The following SPOCK3 variants were observed in gnomAD, a reference collection of about 807,000 sequenced individuals.
SPOCK3 encodes SPARC (osteonectin), cwcv and kazal like domains proteoglycan 3.
SPOCK3 carries 30 observed loss-of-function variants against 56.6 expected under a neutral mutation model. The ratio of observed to expected loss-of-function variants is 0.53; its 90% confidence interval spans 0.40 to 0.72. The LOEUF (loss-of-function observed/expected upper bound fraction) is 0.72. Ranked by LOEUF, SPOCK3 falls within the 30% of genes least tolerant of loss-of-function variation. The pLI, the probability that SPOCK3 is intolerant of heterozygous loss-of-function variation, is 0.00. For missense variants in SPOCK3, 527 were observed against 530.0 expected, an observed-to-expected ratio of 0.99 and a Z score of 0.06; for synonymous variants, 196 against 183.3, an observed-to-expected ratio of 1.07 and a Z score of -0.56.
chr4:166,850,135 T>A (rs1404661516), intron 6 of SPOCK3, among the ~76,000 whole-genome samples: 1 of 152,194 alleles, frequency 6.6e-6, no homozygotes, highest in Non-Finnish European at 1.5e-5. Context: ...GTAATTCTAT[T>A]GTTAATTATT....
chr4:166,743,289 G>A (rs916259567), intron 8 of SPOCK3, among the ~76,000 whole-genome samples: 1 of 151,760 alleles, frequency 6.6e-6, no homozygotes, highest in Non-Finnish European at 1.5e-5. Context: ...AAAAGGCAAA[G>A]TATATTAATT....
At chr4:167,186,792 C>A (rs1561302925) in intron 2 of SPOCK3, among the ~76,000 whole-genome samples, 1 of 151,730 alleles carries the variant, frequency 6.6e-6, no homozygotes, top group Admixed American at 6.6e-5. Flanking sequence ...GACTGGCCAA[C>A]ATGGTGAAAC....
chr4:167,176,357 C>G (rs1204434982), intron 2 of SPOCK3, among the ~76,000 whole-genome samples: 1 of 152,116 alleles, frequency 6.6e-6, no homozygotes, highest in Non-Finnish European at 1.5e-5. Flanking sequence ...GTGATTAGCA[C>G]ACGGAAGCAA....
At chr4:166,988,383 A>C (rs1360474699) in intron 4 of SPOCK3, among the ~76,000 whole-genome samples, 2 of 152,018 alleles carry the variant, frequency 1.3e-5, no homozygotes, top group East Asian at 1.9e-4. Flanking sequence ...TGAGAACAGA[A>C]GGGAAGATAG....
chr4:167,128,300 T>C lies in SPOCK3; in HGVS notation c.190-65763A>G, dbSNP rs150975328. On this transcript the variant is annotated intron_variant, in intron 2 of 10. Coordinates refer to ENST00000357545, the MANE Select transcript of SPOCK3 (RefSeq NM_001040159.2). ...AAACTCTTCCCAAAGTTAGTTCTTT[T>C]ATTGCCAAACAAAGGCTTTTTACCC... 1.4e-4 allele frequency among the ~76,000 whole-genome samples: 22 copies of C among 152,324 alleles called. No individual in the cohort carries two copies. In the East Asian group the frequency reaches 4.2e-3, roughly 29 times the overall value.
intron 9 of SPOCK3, among the ~76,000 whole-genome samples, chr4:166,738,527 G>A (rs1035922168): frequency 1.3e-5 from 2 of 149,592 alleles, no homozygotes; most frequent in Non-Finnish European, 3.0e-5. Flanking sequence ...GTGCAGGTTA[G>A]TTACATATGT....
chr4:167,005,760 G>T (rs1433432427), intron 3 of SPOCK3, among the ~76,000 whole-genome samples: 5 of 151,990 alleles, frequency 3.3e-5, no homozygotes, highest in African/African-American at 4.8e-5. Context: ...CTTTGTTTTT[G>T]TTGTTGTTGT....
At chr4:167,215,891 T>C (rs1735304324) in intron 2 of SPOCK3, among the ~76,000 whole-genome samples, 1 of 152,106 alleles carries the variant, frequency 6.6e-6, no homozygotes, top group Non-Finnish European at 1.5e-5. Flanking sequence ...AGAAAACATG[T>C]TTCAGGAAGA....
chr4:166,735,608 G>A (rs1734139912), intron 10 of SPOCK3, among the ~76,000 whole-genome samples: 1 of 151,942 alleles, frequency 6.6e-6, no homozygotes, highest in African/African-American at 2.4e-5. Flanking sequence ...AAAAAAAAAT[G>A]TTTTCCAGAT....
At chr4:166,846,526 C>T (rs968067287) in intron 6 of SPOCK3, among the ~76,000 whole-genome samples, 1 of 151,986 alleles carries the variant, frequency 6.6e-6, no homozygotes, top group African/African-American at 2.4e-5. Context: ...AAAAAGATGT[C>T]TAATGTTTAA....
chr4:166,947,736 T>C (rs765674557), intron 4 of SPOCK3, among the ~76,000 whole-genome samples: 3 of 152,280 alleles, frequency 2.0e-5, no homozygotes, highest in Non-Finnish European at 4.4e-5. Flanking sequence ...TTATTTTAAA[T>C]TGACACGTCA....
At chr4:167,228,047 G>T (rs1309739216) in intron 2 of SPOCK3, among the ~76,000 whole-genome samples, 1 of 152,056 alleles carries the variant, frequency 6.6e-6, no homozygotes, top group African/African-American at 2.4e-5. Flanking sequence ...GAAAAGAAAA[G>T]AAATAAATAA....
At chr4:166,961,452 T>TTTC (rs1470869997) in intron 4 of SPOCK3, among the ~76,000 whole-genome samples, 7 of 152,088 alleles carry the variant, frequency 4.6e-5, no homozygotes. Context: ...ATGTGTTTTT[T>TTTC]GTTTGACCTG....
At chr4:166,909,065 A>G (rs1216995986) in intron 5 of SPOCK3, among the ~76,000 whole-genome samples, 1 of 152,146 alleles carries the variant, frequency 6.6e-6, no homozygotes, top group Non-Finnish European at 1.5e-5. Flanking sequence ...TTTTCTTAAC[A>G]GGAAAAAAGG....
chr4:166,920,864 T>A (rs1293980780), intron 4 of SPOCK3, among the ~76,000 whole-genome samples: 1 of 152,194 alleles, frequency 6.6e-6, no homozygotes, highest in Non-Finnish European at 1.5e-5. Flanking sequence ...TAGCTGCTTT[T>A]AAAAATAGAT....
chr4:167,116,471 T>G (rs2150355761), intron 2 of SPOCK3, among the ~76,000 whole-genome samples: 1 of 97,460 alleles, frequency 1.0e-5, no homozygotes, highest in African/African-American at 3.9e-5. Flanking sequence ...TATACACACT[T>G]TTGTATATAT....
chr4:166,937,550 A>G (rs1579714864), intron 4 of SPOCK3, among the ~76,000 whole-genome samples: 1 of 148,014 alleles, frequency 6.8e-6, no homozygotes, highest in East Asian at 2.0e-4. Context: ...TATATTATAT[A>G]TTACTATATA....
At chr4:167,213,291 A>G (rs1735051042) in intron 2 of SPOCK3, among the ~76,000 whole-genome samples, 1 of 152,226 alleles carries the variant, frequency 6.6e-6, no homozygotes, top group Non-Finnish European at 1.5e-5. Context: ...AAACAGATGC[A>G]ATTCTGTGTT....
At chr4:166,970,961 C>T (rs1160491349) in intron 4 of SPOCK3, among the ~76,000 whole-genome samples, 2 of 152,132 alleles carry the variant, frequency 1.3e-5, no homozygotes, top group African/African-American at 4.8e-5. Flanking sequence ...CCCCTGTACT[C>T]AAGGGATCCT....
Sources: gnomAD v4.1 joint callset for allele counts (sites outside exome capture counted in the v4.1 genomes callset) on GRCh38, gnomAD v4.1.1 for gene constraint, MANE v1.5 for transcripts, NCBI Gene and HGNC (gene_info 2026-07-23, HGNC 2026-07-21) for gene names.